CFAP46: variants seen among roughly 807,000 people sequenced by gnomAD.
The protein encoded by CFAP46 is cilia and flagella associated protein 46, also known as cilia- and flagella-associated protein 46.
CFAP46 carries 245 observed loss-of-function variants against 325.7 expected under a neutral mutation model. The ratio of observed to expected loss-of-function variants is 0.75; its 90% CI spans 0.68 to 0.84. The LOEUF (loss-of-function observed/expected upper bound fraction) is 0.84. CFAP46 is among the 40% of genes least tolerant of loss of function. CFAP46 has a pLI of 0.00. For synonymous variants in CFAP46, 1,523 were observed against 1,495.9 expected (o/e 1.02, Z -0.42); for missense variants, 3,346 against 3,543.0 (o/e 0.94, Z 1.41).
At chr10:132,888,199 T>TGCGG (rs1849195136) in intron 25 of CFAP46, among the ~76,000 whole-genome samples, 1 of 151,810 alleles carries the variant, frequency 6.6e-6, no homozygotes, top group Non-Finnish European at 1.5e-5. Context: ...TGGGCACCAA[T>TGCGG]GCGGGCTCCA....
chr10:132,906,448 G>A (rs1374280175), intron 22 of CFAP46, among the ~76,000 whole-genome samples: 1 of 152,040 alleles, frequency 6.6e-6, no homozygotes, highest in Non-Finnish European at 1.5e-5. Flanking sequence ...AGTGAACGGG[G>A]TCCTGGCGCG....
At chr10:132,894,792 T>C (rs1279779133) in intron 24 of CFAP46, among the ~76,000 whole-genome samples, 2 of 152,184 alleles carry the variant, frequency 1.3e-5, no homozygotes, top group Admixed American at 6.5e-5. Context: ...AACAGACTTA[T>C]AATAAGAGAT....
rs1001745765 is a variant in CFAP46 at position 132,913,168 on chromosome 10, C to T, written c.2211G>A (p.Val737=). The T allele has an allele frequency of 2.5e-5, 39 of 1,550,348 alleles. No homozygotes were observed. The highest frequency in any genetic ancestry group is 5.5e-5 in the African/African-American group (4 of 73,072). The change falls in exon 18 of 58, where the codon GTG becomes GTA. Residue 737 remains valine, a synonymous_variant. Transcript: ENST00000368586. ...TCAGGACGTAGACCACGGCGTTCTG[C>T]ACAATCCACGCCTCCTGGATCTCCT... ...IGQEIQEAWI[V]QNAVVYVLNH...
At chr10:132,900,754 G>A (rs1429412732) in intron 22 of CFAP46, among the ~76,000 whole-genome samples, 1 of 152,272 alleles carries the variant, frequency 6.6e-6, no homozygotes, top group Non-Finnish European at 1.5e-5. Flanking sequence ...TCTGGGTTAT[G>A]CAGTTGTTGA....
At position 132,881,394 on chromosome 10, in the gene CFAP46, C is replaced by T. The variant is rs939654953; in HGVS notation, c.3628-362G>A. 1.1e-4 allele frequency among the ~76,000 whole-genome samples: 16 copies of T among 152,188 alleles called. 1 individual carries two copies. Among genetic ancestry groups the T allele is most frequent in the African/African-American group, 2.7e-4 (11 of 41,436 alleles). ...GCTGTCGCTCTGTCTGCAGGTGGCC[C>T]TCTCTGGGTGGCTCTGTGGGCAGCC... On this transcript the variant is annotated intron_variant, in intron 27 of 57. Transcript: ENST00000368586.
chr10:132,926,012 T>C (rs1849804435), intron 10 of CFAP46, among the ~76,000 whole-genome samples: 2 of 152,236 alleles, frequency 1.3e-5, no homozygotes, highest in Non-Finnish European at 2.9e-5. Context: ...ATCTTTTAAC[T>C]GGGAAATTAT....
At chr10:132,916,321 C>T (rs1291562970) in intron 17 of CFAP46, among the ~76,000 whole-genome samples, 2 of 152,244 alleles carry the variant, frequency 1.3e-5, no homozygotes, top group African/African-American at 2.4e-5. Context: ...CAGCAAACTA[C>T]GCCTGGGGTC....
At chr10:132,868,549 G>A (rs1214770474) in intron 33 of CFAP46, among the ~76,000 whole-genome samples, 2 of 152,240 alleles carry the variant, frequency 1.3e-5, no homozygotes, top group Non-Finnish European at 2.9e-5. Flanking sequence ...CTAAGTGAAA[G>A]GGTATAGAGA....
At position 132,913,166 on chromosome 10, in the gene CFAP46, T is replaced by C. The variant is rs757856625; in HGVS notation, c.2213A>G (p.Gln738Arg). 1.9e-6 allele frequency: 3 copies of C among 1,550,330 alleles called. No individual in the cohort carries two copies. The highest frequency in any genetic ancestry group is 2.4e-5 in the South Asian group (2 of 84,070). The change falls in exon 18 of 58, where the codon CAG becomes CGG. Residue 738 changes from glutamine (Q) to arginine (R), a missense_variant. By Grantham distance (43) the Gln-to-Arg change is conservative (BLOSUM62 1). Coordinates refer to ENST00000368586, the MANE Select transcript of CFAP46 (RefSeq NM_001200049.3). ...GTTCAGGACGTAGACCACGGCGTTCTGCACAATCCACGCCTCCTGGATCTC... is the reference window on the plus strand; with the variant it reads ...GTTCAGGACGTAGACCACGGCGTTCCGCACAATCCACGCCTCCTGGATCTC... ...GQEIQEAWIV[Q>R]NAVVYVLNHN...
chr10:132,940,923 A>G (rs950614201), intron 4 of CFAP46, 73 bp downstream of exon 4: 2 of 1,424,478 alleles, frequency 1.4e-6, no homozygotes, highest in African/African-American at 2.8e-5. Context: ...AAATAAATAC[A>G]CCCACTTGAT....
chr10:132,898,509 C>A, intron 24 of CFAP46: 1 of 313,132 alleles, frequency 3.2e-6, no homozygotes, highest in Non-Finnish European at 6.2e-6. Flanking sequence ...CTTGGGGGCT[C>A]CACTCCCCGC....
chr10:132,823,613 GTGTGTGC>G (rs1447002768), intron 50 of CFAP46, among the ~76,000 whole-genome samples: 226 of 119,768 alleles, frequency 1.9e-3, no homozygotes, highest in African/African-American at 6.7e-3. Flanking sequence ...TGTGTGCTGT[GTGTGTGC>G]TGTGTGCTGT....
chr10:132,922,545 G>T lies in CFAP46; in HGVS notation c.1420C>A (p.Leu474Met). ...GGGGCCTGGTATAGCGTGGTGCACA[G>T]ACGCAGCCGGGTGGAGGCCATCTGG... ...RIQMASTRLRLCTTLYQAPER... is the reference protein window; with the variant it reads ...RIQMASTRLRMCTTLYQAPER... Residue 474 changes from leucine to methionine, a missense_variant, in exon 12 of 58, where the codon CTG (leucine) becomes ATG (methionine). By Grantham distance (15) the Leu-to-Met change is conservative. Coordinates refer to ENST00000368586, the MANE Select transcript of CFAP46 (RefSeq NM_001200049.3). 1 of 1,547,986 alleles carries T rather than the reference G, an allele frequency of 6.5e-7. No homozygotes were observed.
At chr10:132,891,695 G>T (rs970015130) in intron 25 of CFAP46, among the ~76,000 whole-genome samples, 2 of 152,184 alleles carry the variant, frequency 1.3e-5, no homozygotes, top group African/African-American at 4.8e-5. Context: ...AGAAGAGCTC[G>T]GAAGCCGGCT....
chr10:132,857,609 C>A lies in CFAP46; in HGVS notation c.5555G>T (p.Gly1852Val), dbSNP rs374731529. ...EEEGRLHSVQ[G>V]LLSLQDLQNV... ...GCTTACGTCTTGAAGTGACAATAGG[C>A]CCTGGACGCTGTGAAGCCTCCCTTC... Residue 1852 changes from glycine (G) to valine (V), a missense_variant, in exon 39 of 58, where the codon GGC becomes GTC. By Grantham distance (109) the Gly-to-Val change is moderately radical. Coordinates refer to ENST00000368586, the MANE Select transcript of CFAP46 (RefSeq NM_001200049.3). The A allele has an allele frequency of 3.5e-5, 57 of 1,613,984 alleles. No homozygotes were observed. Among genetic ancestry groups the A allele is most frequent in the Non-Finnish European group, 4.7e-5 (56 of 1,179,988 alleles).
At chr10:132,856,189 C>T (rs530803746) in intron 39 of CFAP46, among the ~76,000 whole-genome samples, 7 of 152,328 alleles carry the variant, frequency 4.6e-5, no homozygotes, top group Non-Finnish European at 7.3e-5. Flanking sequence ...CAGGAAGCTG[C>T]GCCATTCACC....
chr10:132,942,221 T>C, intron 1 of CFAP46, 117 bp from the exon 2 acceptor site: 1 of 1,368,510 alleles, frequency 7.3e-7, no homozygotes, highest in Non-Finnish European at 9.9e-7. Context: ...ACAGCCACCG[T>C]CAGAACCTGT....
chr10:132,898,834 G>C (rs556456576), intron 24 of CFAP46, 125 bp downstream of exon 24: 1 of 1,300,528 alleles, frequency 7.7e-7, no homozygotes, highest in Admixed American at 2.0e-5. Flanking sequence ...CTCCTCGGCT[G>C]GTGCTGGTGC....
At chr10:132,913,486 C>T (rs551386749) in intron 17 of CFAP46, among the ~76,000 whole-genome samples, 5 of 152,336 alleles carry the variant, frequency 3.3e-5, no homozygotes, top group Non-Finnish European at 5.9e-5. Flanking sequence ...CTCACAGGAG[C>T]GCGAACCCTA....
Sources: gnomAD v4.1 joint callset for allele counts (sites outside exome capture counted in the v4.1 genomes callset) on GRCh38, gnomAD v4.1.1 for gene constraint, MANE v1.5 for transcripts, NCBI Gene and HGNC (gene_info 2026-07-23, HGNC 2026-07-21) for gene names.